The following NAV3 variants were observed in gnomAD, a reference collection of about 807,000 sequenced individuals.
The protein encoded by NAV3 is neuron navigator 3, also known as pore membrane and/or filament interacting like protein 1.
A neutral mutation model predicts 244.7 loss-of-function variants in NAV3; 87 were observed. The observed-to-expected ratio is 0.36, with a 90% CI of 0.30 to 0.42. The LOEUF (loss-of-function observed/expected upper bound fraction) is 0.42. Among genes scored for constraint, NAV3 ranks in the 20% least tolerant of loss-of-function variants. NAV3 has a pLI of 1.00. For missense variants in NAV3, 2,663 were observed against 2,893.3 expected (o/e 0.92, Z 1.83); for synonymous variants, 1,126 against 1,042.2 (o/e 1.08, Z -1.55).
At chr12:78,083,464 T>G in intron 12 of NAV3, among the ~76,000 whole-genome samples, 1 of 152,228 alleles carries the variant, frequency 6.6e-6, no homozygotes, top group South Asian at 2.1e-4. Flanking sequence ...GAAACTTATG[T>G]TACTGTCCCT....
intron 24 of NAV3, among the ~76,000 whole-genome samples, chr12:78,170,343 C>T (rs1010605094): frequency 2.0e-5 from 3 of 151,668 alleles, no homozygotes; most frequent in African/African-American, 4.8e-5. Context: ...TACCAAGATC[C>T]GTTGATCCCA....
At chr12:77,654,246 C>T (rs984058346) in intron 2 of NAV3, among the ~76,000 whole-genome samples, 1 of 152,260 alleles carries the variant, frequency 6.6e-6, no homozygotes, top group Admixed American at 6.5e-5. Flanking sequence ...GGGTCACTCC[C>T]ACCCAAATAC....
chr12:78,062,077 C>A (rs748625027), intron 12 of NAV3, among the ~76,000 whole-genome samples: 5 of 152,050 alleles, frequency 3.3e-5, no homozygotes, highest in Admixed American at 2.6e-4. Flanking sequence ...TGCAGCATGC[C>A]GTTGATTTTT....
At chr12:77,956,829 C>T (rs934004301) in intron 3 of NAV3, among the ~76,000 whole-genome samples, 1 of 151,366 alleles carries the variant, frequency 6.6e-6, no homozygotes, top group Non-Finnish European at 1.5e-5. Context: ...GCAACCTCCT[C>T]CTCCCGGGTT....
intron 2 of NAV3, among the ~76,000 whole-genome samples, chr12:77,820,717 T>C (rs1872705557): frequency 1.3e-5 from 2 of 152,220 alleles, no homozygotes; most frequent in African/African-American, 4.8e-5. Flanking sequence ...TGACAAGCAC[T>C]ACAACCTCAA....
chr12:78,023,212 A>T (rs1877455348), intron 9 of NAV3, among the ~76,000 whole-genome samples: 2 of 152,144 alleles, frequency 1.3e-5, no homozygotes, highest in South Asian at 4.1e-4. Context: ...TTGAATTGCA[A>T]TTTTTTTGTG....
chr12:78,080,014 G>A (rs1953265471), intron 12 of NAV3, among the ~76,000 whole-genome samples: 1 of 152,160 alleles, frequency 6.6e-6, no homozygotes, highest in Non-Finnish European at 1.5e-5. Flanking sequence ...AATGTATTTT[G>A]TCTATATTTT....
intron 2 of NAV3, among the ~76,000 whole-genome samples, chr12:77,752,629 C>T (rs925924545): frequency 6.6e-6 from 1 of 152,150 alleles, no homozygotes; most frequent in Non-Finnish European, 1.5e-5. Flanking sequence ...TGAATCCTGG[C>T]CCTACCACTC....
chr12:77,646,211 A>G (rs1438205820), intron 2 of NAV3, among the ~76,000 whole-genome samples: 1 of 152,054 alleles, frequency 6.6e-6, no homozygotes, highest in East Asian at 1.9e-4. Flanking sequence ...TTCTGTTTGA[A>G]ACTAACAAGA....
intron 2 of NAV3, among the ~76,000 whole-genome samples, chr12:77,727,190 G>A (rs1876917989): frequency 1.3e-5 from 2 of 152,024 alleles, no homozygotes; most frequent in South Asian, 4.1e-4. Context: ...TAGGCTGAGA[G>A]AAAGCTGTTA....
chr12:78,044,430 A>G (rs998100639), intron 9 of NAV3, among the ~76,000 whole-genome samples: 1 of 152,100 alleles, frequency 6.6e-6, no homozygotes, highest in African/African-American at 2.4e-5. Context: ...TTTTGGTTCC[A>G]TATGAAATTT....
rs1289129527 is a variant in NAV3 at position 78,164,493 on chromosome 12, A to G, written c.4870-4262A>G. 3.3e-5 allele frequency among the ~76,000 whole-genome samples: 5 copies of G among 151,872 alleles called. No individual in the cohort carries two copies. The East Asian group carries it at 9.7e-4, about 29-fold the overall frequency. On this transcript the variant is annotated intron_variant, in intron 23 of 39. Coordinates refer to ENST00000397909, the MANE Select transcript of NAV3 (RefSeq NM_001024383.2). ...TTAGTTGAATAGGATTTTTACATTAACTCTCCCTAATTTACGTTATGATAT... is the reference window on the plus strand; with the variant it reads ...TTAGTTGAATAGGATTTTTACATTAGCTCTCCCTAATTTACGTTATGATAT...
In NAV3 at chr12:77,692,471, GC is replaced by G. The variant is rs1337815358; in HGVS notation, c.72+120206del. ...AAGATGGCAATGATGTCACCAATAGGCTGTACTAATGACTAATTTAATTTGT... is the reference window on the plus strand; with the variant it reads ...AAGATGGCAATGATGTCACCAATAGGTGTACTAATGACTAATTTAATTTGT... On this transcript the variant is annotated intron_variant, in intron 2 of 8. Transcript: ENST00000550042. 7.2e-5 allele frequency among the ~76,000 whole-genome samples: 11 copies of G among 151,886 alleles called. No individual in the cohort carries two copies. In the East Asian group the frequency reaches 2.1e-3, roughly 29 times the overall value.
chr12:77,892,021 C>A (rs1165346010), intron 1 of NAV3, among the ~76,000 whole-genome samples: 1 of 151,756 alleles, frequency 6.6e-6, no homozygotes, highest in Non-Finnish European at 1.5e-5. Flanking sequence ...GAGAAATTGA[C>A]CTACACAGAA....
intron 2 of NAV3, among the ~76,000 whole-genome samples, chr12:77,747,121 C>A (rs1868586806): frequency 6.6e-6 from 1 of 152,038 alleles, no homozygotes; most frequent in East Asian, 1.9e-4. Context: ...TATCTTGAGT[C>A]TGTTGTTTAT....
chr12:77,879,286 C>G (rs1312371872), intron 1 of NAV3, among the ~76,000 whole-genome samples: 2 of 152,084 alleles, frequency 1.3e-5, no homozygotes, highest in Non-Finnish European at 2.9e-5. Context: ...TTACACACTA[C>G]AAGATTTATG....
At chr12:77,915,531 A>C (rs893185073) in intron 1 of NAV3, among the ~76,000 whole-genome samples, 4 of 152,000 alleles carry the variant, frequency 2.6e-5, no homozygotes, top group African/African-American at 9.7e-5. Flanking sequence ...TAAAAGAAAA[A>C]AAAAGATCTT....
At chr12:77,950,327 A>G (rs1890751980) in intron 3 of NAV3, among the ~76,000 whole-genome samples, 1 of 152,066 alleles carries the variant, frequency 6.6e-6, no homozygotes, top group Admixed American at 6.6e-5. Flanking sequence ...GGTGTTGTCA[A>G]TGTTCTGGAT....
chr12:77,595,268 T>G (rs1740850571), intron 2 of NAV3, among the ~76,000 whole-genome samples: 2 of 152,238 alleles, frequency 1.3e-5, no homozygotes, highest in Middle Eastern at 3.4e-3. Flanking sequence ...GGATGAACAT[T>G]ATGCTAAGTG....
Sources: gnomAD v4.1 joint callset for allele counts (sites outside exome capture counted in the v4.1 genomes callset) on GRCh38, gnomAD v4.1.1 for gene constraint, MANE v1.5 for transcripts, NCBI Gene and HGNC (gene_info 2026-07-23, HGNC 2026-07-21) for gene names.